SHC4: variants seen among roughly 807,000 people sequenced by gnomAD.
SHC4 encodes the protein SHC-transforming protein 4.
A neutral mutation model predicts 69.4 loss-of-function variants in SHC4; 41 were observed. That is an observed-to-expected ratio of 0.59 (90% CI 0.46 to 0.77). The LOEUF (loss-of-function observed/expected upper bound fraction) is 0.77. Ranked by LOEUF, SHC4 falls within the 30% of genes least tolerant of loss-of-function variation. SHC4 has a pLI of 0.00. For synonymous variants in SHC4, 318 were observed against 299.3 expected (o/e 1.06, Z -0.64); for missense variants, 777 against 783.8 (o/e 0.99, Z 0.10).
At chr15:48,888,680 G>T (rs1900080957) in intron 3 of SHC4, among the ~76,000 whole-genome samples, 1 of 151,940 alleles carries the variant, frequency 6.6e-6, no homozygotes, top group African/African-American at 2.4e-5. Context: ...GATCACTTGA[G>T]GCCAGGGAGT....
In SHC4 at chr15:48,878,780, G is replaced by A. The variant is rs16961791; in HGVS notation, c.840+5468C>T. ...AAGAGGAGGAAACTACTTGAGGAGGGACCCAACTTTCCGCTATCTTTTGGG... is the reference window on the plus strand; with the variant it reads ...AAGAGGAGGAAACTACTTGAGGAGGAACCCAACTTTCCGCTATCTTTTGGG... On this transcript the variant is annotated intron_variant, in intron 4 of 11. Transcript: ENST00000332408. 1.4e-3 allele frequency: 2,153 copies of A among 1,551,884 alleles called. 33 individuals carry two copies. The East Asian group carries it at 0.036, about 26-fold the overall frequency.
chr15:48,946,555 C>A, intron 1 of SHC4: 1 of 980,978 alleles, frequency 1.0e-6, no homozygotes, highest in South Asian at 4.7e-5. Flanking sequence ...AAATCGGATT[C>A]TTACATTTTC....
chr15:48,896,531 G>A (rs1355659217), intron 2 of SHC4, among the ~76,000 whole-genome samples: 1 of 152,088 alleles, frequency 6.6e-6, no homozygotes, highest in Non-Finnish European at 1.5e-5. Context: ...ACATTGGCCA[G>A]GCTGGTCTCA....
At chr15:48,831,008 T>A (rs562839100) in intron 11 of SHC4, among the ~76,000 whole-genome samples, 2 of 152,156 alleles carry the variant, frequency 1.3e-5, no homozygotes, top group Non-Finnish European at 2.9e-5. Flanking sequence ...GCCTAATGTC[T>A]GTGTTTCTGT....
At chr15:48,940,713 G>A (rs1421088157) in intron 1 of SHC4, among the ~76,000 whole-genome samples, 1 of 152,116 alleles carries the variant, frequency 6.6e-6, no homozygotes, top group Admixed American at 6.5e-5. Flanking sequence ...AGACCATGTG[G>A]GCAAAGAACC....
intron 2 of SHC4, among the ~76,000 whole-genome samples, chr15:48,896,549 G>T (rs1900224832): frequency 6.6e-6 from 1 of 152,032 alleles, no homozygotes; most frequent in African/African-American, 2.4e-5. Context: ...TCAAACTCCT[G>T]ACCTCAGGTG....
intron 2 of SHC4, among the ~76,000 whole-genome samples, chr15:48,893,746 C>T (rs1900173907): frequency 6.6e-6 from 1 of 152,196 alleles, no homozygotes. Context: ...CATATTTATC[C>T]ATTGCCAGGG....
At chr15:48,859,962 G>C (rs948970906) in intron 6 of SHC4, among the ~76,000 whole-genome samples, 1 of 151,924 alleles carries the variant, frequency 6.6e-6, no homozygotes, top group Admixed American at 6.6e-5. Context: ...TGAGCCCAGG[G>C]GTTGCAGGCT....
At chr15:48,919,045 AC>A (rs1900683697) in intron 2 of SHC4, among the ~76,000 whole-genome samples, 1 of 151,620 alleles carries the variant, frequency 6.6e-6, no homozygotes. Flanking sequence ...GAAGCAAGGG[AC>A]TGATGTCTGG....
intron 5 of SHC4, among the ~76,000 whole-genome samples, chr15:48,870,549 ACT>A (rs1899649900): frequency 6.6e-6 from 1 of 152,198 alleles, no homozygotes; most frequent in Admixed American, 6.5e-5. Context: ...TAAAGGGGAA[ACT>A]GGATATCCAT....
chr15:48,896,271 C>CCT lies in SHC4; in HGVS notation c.657-5462_657-5461dup, dbSNP rs1192455593. On this transcript the variant is annotated intron_variant, in intron 2 of 11. Coordinates refer to ENST00000332408, the MANE Select transcript of SHC4 (RefSeq NM_203349.4). ...CTTTCTCTCTCTCTCCCTCCCTCTC[C>CCT]CTCTCTCTCTCTCTCTCTCCCTCCC... Among the ~76,000 whole-genome samples the CCT allele has an allele frequency of 5.6e-4, 70 of 124,438 alleles. No individual in the cohort carries two copies. In the East Asian group the frequency reaches 0.01, roughly 18 times the overall value. 81.6% of individuals were successfully genotyped at this position (124,438 alleles called of 152,430 possible).
chr15:48,832,421 G>A (rs1229962274), intron 11 of SHC4, among the ~76,000 whole-genome samples: 1 of 152,126 alleles, frequency 6.6e-6, no homozygotes, highest in Non-Finnish European at 1.5e-5. Flanking sequence ...TCTTATGGAG[G>A]CTCTCTGGCA....
rs563104081 is a variant in SHC4 at position 48,900,514 on chromosome 15, A to G, written c.657-9703T>C. The stretch of plus-strand genomic sequence containing the variant: ...AGAGTGAGATTCCAACTCAAAAAAA[A>G]AAAAAGAAAAAAAGAAGAAGAAGAA... On this transcript the variant is annotated intron_variant, in intron 2 of 11. Transcript: ENST00000332408. Among the ~76,000 whole-genome samples, 72 of 152,128 alleles carry G rather than the reference A, an allele frequency of 4.7e-4. 1 individual carries two copies. Among genetic ancestry groups the G allele is most frequent in the Admixed American group, 2.4e-3 (37 of 15,264 alleles).
chr15:48,876,564 A>G (rs1475534948), intron 4 of SHC4: 5 of 694,290 alleles, frequency 7.2e-6, no homozygotes, highest in African/African-American at 3.5e-5. Context: ...ACAAGGTCCT[A>G]CAATAGGCTG....
chr15:48,928,025 C>T (rs987907977), intron 1 of SHC4, among the ~76,000 whole-genome samples: 1 of 152,260 alleles, frequency 6.6e-6, no homozygotes, highest in East Asian at 1.9e-4. Context: ...ATGAATGAAG[C>T]ATCTTTTGTT....
At chr15:48,900,678 T>C (rs182214141) in intron 2 of SHC4, among the ~76,000 whole-genome samples, 89 of 152,256 alleles carry the variant, frequency 5.8e-4, no homozygotes, top group Admixed American at 1.2e-3. Context: ...CAGCAAGATC[T>C]AATCTATTTG....
At chr15:48,828,647 T>A (rs1310774891) in intron 11 of SHC4, among the ~76,000 whole-genome samples, 1 of 152,160 alleles carries the variant, frequency 6.6e-6, no homozygotes, top group African/African-American at 2.4e-5. Flanking sequence ...ATTCTTCATA[T>A]CCTTGCGAAC....
At chr15:48,878,808 C>T (rs1899883271) in intron 4 of SHC4, 5 of 1,443,714 alleles carry the variant, frequency 3.5e-6, no homozygotes, top group Admixed American at 4.8e-5. Context: ...CTTTTGGGTT[C>T]ATTCCAAATA....
At chr15:48,900,561 T>C (rs1900304518) in intron 2 of SHC4, among the ~76,000 whole-genome samples, 1 of 151,422 alleles carries the variant, frequency 6.6e-6, no homozygotes, top group African/African-American at 2.4e-5. Flanking sequence ...AGAGGGCACA[T>C]GGAGGTCCTG....
Sources: gnomAD v4.1 joint callset for allele counts (sites outside exome capture counted in the v4.1 genomes callset) on GRCh38, gnomAD v4.1.1 for gene constraint, MANE v1.5 for transcripts, NCBI Gene and HGNC (gene_info 2026-07-23, HGNC 2026-07-21) for gene names.